Variants in CCNY observed in about 807,000 individuals in gnomAD.
CCNY encodes cyclin-Y.
In CCNY, 19 loss-of-function variants were observed where a neutral mutation model predicts 42.8. That is an observed-to-expected ratio of 0.44 (90% confidence interval 0.31 to 0.65). The LOEUF (loss-of-function observed/expected upper bound fraction) is 0.65, where lower values mean the gene tolerates loss of function less well. Ranked by LOEUF, CCNY falls within the 30% of genes least tolerant of loss-of-function variation. CCNY has a pLI of 0.07. For synonymous variants in CCNY, 165 were observed against 162.7 expected (o/e 1.01, Z -0.11); for missense variants, 370 against 437.3 (o/e 0.85, Z 1.37).
At chr10:35,455,825 T>TTTTTAA (rs1286707783) in intron 1 of CCNY, among the ~76,000 whole-genome samples, 1 of 99,778 alleles carries the variant, frequency 1.0e-5, no homozygotes, top group Non-Finnish European at 2.0e-5. Context: ...TTTTTTTTTT[T>TTTTTAA]AAAAAAAGAA....
intron 7 of CCNY, among the ~76,000 whole-genome samples, chr10:35,546,131 A>G (rs1346250603): frequency 6.6e-6 from 1 of 152,216 alleles, no homozygotes; most frequent in African/African-American, 2.4e-5. Context: ...CCGTATTGGA[A>G]CATGCTCTAA....
intron 1 of CCNY, among the ~76,000 whole-genome samples, chr10:35,402,443 T>G (rs1199692730): frequency 6.6e-6 from 1 of 152,224 alleles, no homozygotes; most frequent in East Asian, 1.9e-4. Flanking sequence ...GGCTCTATCC[T>G]TGAGTTTTTC....
chr10:35,332,614 G>GT (rs1355673128), upstream of CCNY, among the ~76,000 whole-genome samples: 2 of 152,110 alleles, frequency 1.3e-5, no homozygotes, highest in Middle Eastern at 3.4e-3. Flanking sequence ...GTTCATCTGA[G>GT]TTTTTTTTGA....
intron 1 of CCNY, among the ~76,000 whole-genome samples, chr10:35,341,922 T>C (rs2135121608): frequency 6.6e-6 from 1 of 152,248 alleles, no homozygotes; most frequent in East Asian, 1.9e-4. Flanking sequence ...ACTTTAGCTG[T>C]GGCCTTACAT....
intron 3 of CCNY, among the ~76,000 whole-genome samples, chr10:35,312,511 T>G (rs1050932196): frequency 6.6e-6 from 1 of 151,728 alleles, no homozygotes; most frequent in African/African-American, 2.4e-5. Flanking sequence ...GGGCACCACA[T>G]GGATCATTCC....
chr10:35,357,193 A>T (rs2474523), intron 1 of CCNY, among the ~76,000 whole-genome samples: 11 of 30,108 alleles, frequency 3.7e-4, no homozygotes, highest in African/African-American at 1.0e-3. Context: ...CCCCTGCCCC[A>T]GCCCCAGCCC....
intron 3 of CCNY, among the ~76,000 whole-genome samples, chr10:35,302,606 C>T (rs114847444): frequency 8.2e-4 from 125 of 152,182 alleles, no homozygotes; most frequent in African/African-American, 2.9e-3. Flanking sequence ...CCACTGCGCC[C>T]GCCCCGACAT....
chr10:35,370,601 T>G, intron 1 of CCNY, among the ~76,000 whole-genome samples: 1 of 152,044 alleles, frequency 6.6e-6, no homozygotes, highest in South Asian at 2.1e-4. Context: ...TCTGGCTCTG[T>G]TTTTATTGTG....
rs779221332 is a variant in CCNY at position 35,488,286 on chromosome 10, T to C, written c.229+4808T>C. 5.7e-4 allele frequency among the ~76,000 whole-genome samples: 87 copies of C among 152,246 alleles called. 3 individuals carry two copies. Among genetic ancestry groups the C allele is most frequent in the Non-Finnish European group, 4.4e-5 (3 of 68,044 alleles). On this transcript the variant is annotated intron_variant, in intron 2 of 9. Transcript: ENST00000374704. Reference sequence around the variant, plus strand: ...TTGAAAAAATATTCTGTGGCTGTCCTCATTGGGGTCGTGTTTTGGTTACCG... The same window carrying C: ...TTGAAAAAATATTCTGTGGCTGTCCCCATTGGGGTCGTGTTTTGGTTACCG...
At chr10:35,524,947 T>C (rs1439728673) in intron 4 of CCNY, among the ~76,000 whole-genome samples, 1 of 152,212 alleles carries the variant, frequency 6.6e-6, no homozygotes, top group Non-Finnish European at 1.5e-5. Context: ...TCACCATTGT[T>C]AATGACTTGA....
chr10:35,379,926 C>T (rs1370878285), intron 1 of CCNY, among the ~76,000 whole-genome samples: 1 of 152,158 alleles, frequency 6.6e-6, no homozygotes, highest in Admixed American at 6.6e-5. Context: ...CTGTCATCTC[C>T]AGGAATTTTA....
chr10:35,263,412 G>A (rs185317132), intron 3 of CCNY, among the ~76,000 whole-genome samples: 24 of 149,682 alleles, frequency 1.6e-4, no homozygotes, highest in African/African-American at 5.7e-4. Context: ...GTGGTGGCAC[G>A]TGCCTGTAGT....
intron 1 of CCNY, among the ~76,000 whole-genome samples, chr10:35,444,660 C>T (rs1017948940): frequency 2.6e-5 from 4 of 152,004 alleles, no homozygotes; most frequent in Non-Finnish European, 4.4e-5. Context: ...AGTTTTTCAG[C>T]TCCATCATAA....
At chr10:35,418,621 C>T (rs1486730192) in intron 1 of CCNY, among the ~76,000 whole-genome samples, 1 of 152,002 alleles carries the variant, frequency 6.6e-6, no homozygotes, top group Non-Finnish European at 1.5e-5. Context: ...GCCTCCGTTG[C>T]TCAGAGTAGA....
chr10:35,485,195 T>G (rs17593752), intron 2 of CCNY, among the ~76,000 whole-genome samples: 3,359 of 152,350 alleles, frequency 0.022, 46 homozygotes, highest in Non-Finnish European at 0.037. Flanking sequence ...CTGTCCACTC[T>G]CCCATTGGGA....
At chr10:35,565,906 A>G in intron 8 of CCNY, 117 bp from the exon 9 acceptor site, 1 of 984,184 alleles carries the variant, frequency 1.0e-6, no homozygotes, top group Non-Finnish European at 1.5e-6. Flanking sequence ...TACTTAGATC[A>G]CTGGTCTTCC....
intron 3 of CCNY, among the ~76,000 whole-genome samples, chr10:35,287,379 C>G (rs1305815814): frequency 1.3e-5 from 2 of 152,130 alleles, no homozygotes; most frequent in Non-Finnish European, 2.9e-5. Flanking sequence ...CCATTTTAAG[C>G]ATACAGTAAA....
At chr10:35,295,487 C>T (rs1835461245) in intron 3 of CCNY, among the ~76,000 whole-genome samples, 1 of 152,144 alleles carries the variant, frequency 6.6e-6, no homozygotes, top group South Asian at 2.1e-4. Flanking sequence ...CCGTTTCTGC[C>T]TCCCAAAGTG....
At chr10:35,451,436 G>A (rs761696227) in intron 1 of CCNY, among the ~76,000 whole-genome samples, 7 of 152,174 alleles carry the variant, frequency 4.6e-5, no homozygotes, top group East Asian at 1.9e-4. Flanking sequence ...TTTCCATGTC[G>A]TCTTAAAATG....
Sources: allele counts gnomAD v4.1 joint callset (sites outside exome capture counted in the v4.1 genomes callset), GRCh38; gene constraint gnomAD v4.1.1; transcripts MANE v1.5; gene names NCBI Gene and HGNC (gene_info 2026-07-23, HGNC 2026-07-21).